The following NEK6 variants were observed in gnomAD, a reference collection of about 807,000 sequenced individuals.
NEK6 encodes NIMA related kinase 6.
NEK6 carries 27 observed loss-of-function variants against 43.5 expected under a neutral mutation model. The observed-to-expected ratio is 0.62, with a 90% CI of 0.46 to 0.86. NEK6 has a LOEUF of 0.86. Among genes scored for constraint, NEK6 ranks in the 40% least tolerant of loss-of-function variants. NEK6 has a pLI of 0.00. For missense variants in NEK6, 318 were observed against 414.4 expected, an observed-to-expected ratio of 0.77 and a Z score of 2.02; for synonymous variants, 167 against 164.1, an observed-to-expected ratio of 1.02 and a Z score of -0.14.
At chr9:124,317,459 C>T (rs1381900168) in intron 4 of NEK6, among the ~76,000 whole-genome samples, 4 of 152,188 alleles carry the variant, frequency 2.6e-5, no homozygotes, top group African/African-American at 9.7e-5. Flanking sequence ...GTGATCCACC[C>T]GCCTCGGCCT....
At chr9:124,279,499 C>T (rs984629966) in intron 1 of NEK6, among the ~76,000 whole-genome samples, 4 of 152,142 alleles carry the variant, frequency 2.6e-5, no homozygotes, top group Non-Finnish European at 5.9e-5. Context: ...GCAGGGGTTT[C>T]ACCATGTTGG....
chr9:124,259,890 G>T (rs1830962620), intron 1 of NEK6, among the ~76,000 whole-genome samples: 2 of 152,192 alleles, frequency 1.3e-5, no homozygotes, highest in South Asian at 4.1e-4. Flanking sequence ...GAGCTGTTTG[G>T]GTTTCCAGAA....
chr9:124,291,775 G>A (rs899050180), intron 1 of NEK6: 1 of 978,862 alleles, frequency 1.0e-6, no homozygotes, highest in African/African-American at 1.8e-5. Flanking sequence ...TAATCGGGTG[G>A]TGCTGCCATC....
At chr9:124,268,537 G>A (rs951758085) in intron 1 of NEK6, among the ~76,000 whole-genome samples, 3 of 152,198 alleles carry the variant, frequency 2.0e-5, no homozygotes, top group East Asian at 3.8e-4. Context: ...GGCACAGTCC[G>A]TAGTGGTTTG....
In NEK6 at chr9:124,305,678, C is replaced by T. The variant is rs546582888; in HGVS notation, c.90+3624C>T. Among the ~76,000 whole-genome samples, 23 of 152,092 alleles carry T rather than the reference C, an allele frequency of 1.5e-4. No individual in the cohort carries two copies. The East Asian group carries it at 2.7e-3, about 18-fold the overall frequency. ...TGCCCAGTGCCTGCCTTTGGGGGCTCCCAGTCTGCTGAGAAGCTCTGCATG... is the reference window on the plus strand; with the variant it reads ...TGCCCAGTGCCTGCCTTTGGGGGCTTCCAGTCTGCTGAGAAGCTCTGCATG... On this transcript the variant is annotated intron_variant, in intron 2 of 9. Coordinates refer to ENST00000320246, the MANE Select transcript of NEK6 (RefSeq NM_014397.6).
chr9:124,302,063 C>G lies in NEK6; in HGVS notation c.90+9C>G. 1 of 1,584,768 alleles carries G rather than the reference C, an allele frequency of 6.3e-7. No homozygotes were observed. Among genetic ancestry groups the G allele is most frequent in the South Asian group, 1.1e-5 (1 of 87,674 alleles). On this transcript the variant is annotated intron_variant, in intron 2 of 9. Coordinates refer to ENST00000320246, the MANE Select transcript of NEK6 (RefSeq NM_014397.6). ...ATCCTCCTGACCCACAGGTAAGCCC[C>G]TTACCTTTGTCTGCAGCACACTGAA... is the stretch of plus-strand genomic sequence containing the variant.
chr9:124,267,134 AC>A (rs1446240673), intron 1 of NEK6, among the ~76,000 whole-genome samples: 3 of 152,244 alleles, frequency 2.0e-5, no homozygotes, highest in African/African-American at 7.2e-5. Context: ...TAACCAAGCC[AC>A]CTCTGAGCAC....
intron 1 of NEK6, among the ~76,000 whole-genome samples, chr9:124,273,852 C>G (rs774647477): frequency 1.3e-5 from 2 of 152,190 alleles, no homozygotes; most frequent in Non-Finnish European, 2.9e-5. Context: ...CTTCTGCTGG[C>G]AAAAGCAGGT....
Position 124,339,420 on chromosome 9 carries a change from A to AAGGCCC in NEK6, c.623-142_623-137dup, listed in dbSNP as rs902550606. 8.9e-6 allele frequency: 6 copies of AAGGCCC among 676,018 alleles called. No individual in the cohort carries two copies. In the African/African-American group the frequency reaches 1.1e-4, roughly 12 times the overall value. 41.9% of individuals were successfully genotyped at this position (676,018 alleles called of 1,614,324 possible). The stretch of plus-strand genomic sequence containing the variant: ...GATCCAACTGCTCATCTGACAGAGG[A>AAGGCCC]AGGCCCAGGCCCAGAGAGGGAGAAG... On this transcript the variant is annotated intron_variant, in intron 7 of 9. Transcript: ENST00000320246.
chr9:124,284,168 T>G (rs531238440), intron 1 of NEK6, among the ~76,000 whole-genome samples: 2 of 152,226 alleles, frequency 1.3e-5, no homozygotes, highest in African/African-American at 4.8e-5. Flanking sequence ...GGCCAACATG[T>G]TGAAACCCTG....
intron 3 of NEK6, among the ~76,000 whole-genome samples, chr9:124,313,100 G>T (rs1052292167): frequency 6.6e-6 from 1 of 152,178 alleles, no homozygotes; most frequent in African/African-American, 2.4e-5. Flanking sequence ...AGGTCAAGCG[G>T]CAAAGTCAGG....
At chr9:124,258,962 G>T (rs1405300041) in intron 1 of NEK6, among the ~76,000 whole-genome samples, 3 of 152,364 alleles carry the variant, frequency 2.0e-5, no homozygotes, top group East Asian at 1.9e-4. Context: ...AGCCAGGCCT[G>T]GGGGGCTGAC....
At chr9:124,296,086 G>T (rs1832677318) in intron 1 of NEK6, among the ~76,000 whole-genome samples, 2 of 152,236 alleles carry the variant, frequency 1.3e-5, no homozygotes, top group South Asian at 4.1e-4. Context: ...CAGCTCCCTG[G>T]GGCATGTGTC....
At chr9:124,295,062 T>C (rs915525578) in intron 1 of NEK6, among the ~76,000 whole-genome samples, 2 of 152,208 alleles carry the variant, frequency 1.3e-5, no homozygotes, top group African/African-American at 4.8e-5. Flanking sequence ...CCCAATCAGC[T>C]GGCCTCCTGA....
At chr9:124,288,362 G>A (rs1450396341) in intron 1 of NEK6, among the ~76,000 whole-genome samples, 3 of 152,154 alleles carry the variant, frequency 2.0e-5, no homozygotes, top group Non-Finnish European at 4.4e-5. Flanking sequence ...TGCCTCCTGG[G>A]TTCAAGTGAT....
chr9:124,337,144 C>T (rs774098389), intron 7 of NEK6, among the ~76,000 whole-genome samples: 12 of 152,204 alleles, frequency 7.9e-5, no homozygotes, highest in Non-Finnish European at 1.3e-4. Context: ...GTGTTCATGC[C>T]TCTGGTGATG....
At chr9:124,350,380 A>G (rs1246795517) in intron 9 of NEK6, among the ~76,000 whole-genome samples, 1 of 138,088 alleles carries the variant, frequency 7.2e-6, no homozygotes, top group Non-Finnish European at 1.6e-5. Flanking sequence ...TCATGAGCAC[A>G]ATAAAGGGGC....
intron 1 of NEK6, among the ~76,000 whole-genome samples, chr9:124,260,856 T>C (rs1831003827): frequency 6.6e-6 from 1 of 152,198 alleles, no homozygotes; most frequent in Non-Finnish European, 1.5e-5. Context: ...AAAGACCATG[T>C]GCTAATACGC....
In NEK6 at chr9:124,351,015, G is replaced by A. The variant is rs1830249792; in HGVS notation, c.*68G>A. 2.8e-6 allele frequency: 3 copies of A among 1,088,196 alleles called. No individual in the cohort carries two copies. The East Asian group carries it at 7.4e-5, about 27-fold the overall frequency. 67.4% of individuals were successfully genotyped at this position (1,088,196 alleles called of 1,614,324 possible). Reference sequence around the variant, plus strand: ...CTTACTTGAGTCGTCTTCTCTTCGAGTGGCCACCTGGTAGCCTAGAACAGC... The same window carrying A: ...CTTACTTGAGTCGTCTTCTCTTCGAATGGCCACCTGGTAGCCTAGAACAGC... On this transcript the variant is annotated 3_prime_UTR_variant, in exon 10 of 10. Coordinates refer to ENST00000320246, the MANE Select transcript of NEK6 (RefSeq NM_014397.6).
Sources: gnomAD v4.1 joint callset for allele counts (sites outside exome capture counted in the v4.1 genomes callset) on GRCh38, gnomAD v4.1.1 for gene constraint, MANE v1.5 for transcripts, NCBI Gene and HGNC (gene_info 2026-07-23, HGNC 2026-07-21) for gene names.